PRUNE2: variants seen among roughly 807,000 people sequenced by gnomAD.
The protein encoded by PRUNE2 is prune homolog 2 with BCH domain.
In PRUNE2, 164 loss-of-function variants were observed where a neutral mutation model predicts 252.0. The observed-to-expected ratio is 0.65, with a 90% CI of 0.57 to 0.74. The LOEUF is 0.74. PRUNE2 is among the 30% of genes least tolerant of loss of function. The pLI, the probability that PRUNE2 is intolerant of heterozygous loss-of-function variation, is 0.00. For synonymous variants in PRUNE2, 1,292 were observed against 1,350.2 expected (o/e 0.96, Z 0.94); for missense variants, 3,495 against 3,711.0 (o/e 0.94, Z 1.51).
intron 1 of PRUNE2, among the ~76,000 whole-genome samples, chr9:76,886,828 A>G (rs1195800738): frequency 2.6e-5 from 4 of 152,196 alleles, no homozygotes; most frequent in African/African-American, 9.7e-5. Flanking sequence ...ATCTTAATAA[A>G]TACATTTTTA....
intron 6 of PRUNE2, among the ~76,000 whole-genome samples, chr9:76,753,779 G>T (rs1010121124): frequency 6.6e-6 from 1 of 152,102 alleles, no homozygotes; most frequent in Non-Finnish European, 1.5e-5. Context: ...TTAGCTGGGC[G>T]TGGTGGCGGG....
At chr9:76,811,013 A>C (rs1409779523) in intron 6 of PRUNE2, among the ~76,000 whole-genome samples, 1 of 152,352 alleles carries the variant, frequency 6.6e-6, no homozygotes, top group South Asian at 2.1e-4. Context: ...CAGGTCCCCA[A>C]ATCAGCAAAA....
intron 16 of PRUNE2, among the ~76,000 whole-genome samples, chr9:76,624,868 T>G (rs553614271): frequency 6.6e-6 from 1 of 152,142 alleles, no homozygotes; most frequent in South Asian, 2.1e-4. Flanking sequence ...TAGGTTGACC[T>G]CAACAGCTTT....
intron 6 of PRUNE2, among the ~76,000 whole-genome samples, chr9:76,731,300 ATC>A (rs1248444890): frequency 0.017 from 2,201 of 128,144 alleles, 61 homozygotes; most frequent in Admixed American, 0.043. Flanking sequence ...CTATCTATCT[ATC>A]TATCTATCTA....
At chr9:76,778,843 T>G (rs187142863) in intron 6 of PRUNE2, 1 of 152,360 alleles carries the variant, frequency 6.6e-6, no homozygotes, top group East Asian at 1.9e-4. Flanking sequence ...ACTATGATTA[T>G]CATTCAATCT....
chr9:76,737,104 C>G (rs2135503056), intron 6 of PRUNE2: 1 of 152,318 alleles, frequency 6.6e-6, no homozygotes. Context: ...TAGCTGTATT[C>G]CTTCTTGATG....
At chr9:76,877,934 G>A (rs1474409249) in intron 1 of PRUNE2, among the ~76,000 whole-genome samples, 2 of 152,198 alleles carry the variant, frequency 1.3e-5, no homozygotes, top group Non-Finnish European at 2.9e-5. Context: ...CGGTAGAGAT[G>A]CGGAATCTGG....
intron 9 of PRUNE2, among the ~76,000 whole-genome samples, chr9:76,656,062 T>G (rs971862652): frequency 1.3e-5 from 2 of 152,200 alleles, no homozygotes; most frequent in Admixed American, 1.3e-4. Flanking sequence ...CTTCCTTTTT[T>G]GAATATTTAA....
At chr9:76,871,260 CTT>C (rs911301853) in intron 1 of PRUNE2, among the ~76,000 whole-genome samples, 20 of 152,298 alleles carry the variant, frequency 1.3e-4, no homozygotes, top group Admixed American at 3.3e-4. Flanking sequence ...CATATGCGGA[CTT>C]TTTTCTTGTC....
chr9:76,625,483 GTC>G lies in PRUNE2; in HGVS notation c.9150-995_9150-994del, dbSNP rs529259635. 3.9e-5 allele frequency among the ~76,000 whole-genome samples: 6 copies of G among 152,268 alleles called. No homozygotes were observed. The East Asian group carries it at 9.7e-4, about 25-fold the overall frequency. On this transcript the variant is annotated intron_variant, in intron 16 of 18. Coordinates refer to ENST00000376718, the MANE Select transcript of PRUNE2 (RefSeq NM_015225.3). ...TCTAAAGACGCACTTCTCAGAACAT[GTC>G]TCTGTCATTAGGTGATGTATGATGG...
intron 6 of PRUNE2, among the ~76,000 whole-genome samples, chr9:76,724,022 C>T (rs2047879114): frequency 6.6e-6 from 1 of 150,644 alleles, no homozygotes; most frequent in South Asian, 2.1e-4. Flanking sequence ...GTCTCGATCT[C>T]CTGACCTTGT....
intron 1 of PRUNE2, among the ~76,000 whole-genome samples, chr9:76,868,349 C>G (rs1321167627): frequency 1.3e-5 from 2 of 152,208 alleles, no homozygotes; most frequent in African/African-American, 4.8e-5. Context: ...AATACAGAAC[C>G]TTCTGAAAAA....
Position 76,747,883 on chromosome 9 carries a change from T to C in PRUNE2, c.757-34162A>G, listed in dbSNP as rs186652643. ...CAATCTTGGCTCACTGCAACCTCCGTCTCCCGGGTTCAAGCAATTCTCCCG... is the reference window on the plus strand; with the variant it reads ...CAATCTTGGCTCACTGCAACCTCCGCCTCCCGGGTTCAAGCAATTCTCCCG... On this transcript the variant is annotated intron_variant, in intron 6 of 18. Coordinates refer to ENST00000376718, the MANE Select transcript of PRUNE2 (RefSeq NM_015225.3). Among the ~76,000 whole-genome samples the C allele has an allele frequency of 7.8e-3, 1,190 of 151,672 alleles. 17 individuals are homozygous for C. The highest frequency in any genetic ancestry group is 0.028 in the African/African-American group (1,154 of 41,348).
chr9:76,691,849 G>A (rs1019593287), intron 9 of PRUNE2: 4 of 549,564 alleles, frequency 7.3e-6, no homozygotes, highest in African/African-American at 5.8e-5. Context: ...GGCGGGGACA[G>A]CATAACGACC....
chr9:76,718,513 C>G (rs536184306), intron 6 of PRUNE2, among the ~76,000 whole-genome samples: 2 of 152,084 alleles, frequency 1.3e-5, no homozygotes, highest in South Asian at 4.2e-4. Flanking sequence ...TGAGATTGAC[C>G]CTCCCTCTGT....
intron 6 of PRUNE2, among the ~76,000 whole-genome samples, chr9:76,741,958 G>A (rs368668743): frequency 2.0e-4 from 31 of 152,254 alleles, no homozygotes; most frequent in African/African-American, 7.5e-4. Flanking sequence ...CACCAATCTG[G>A]CTGTTTTGAC....
intron 6 of PRUNE2, among the ~76,000 whole-genome samples, chr9:76,772,349 T>G (rs10117778): frequency 6.6e-6 from 1 of 151,512 alleles, no homozygotes; most frequent in South Asian, 2.1e-4. Flanking sequence ...ATTTTTTTTT[T>G]AAATGGCAAT....
At chr9:76,837,833 G>A (rs910321359) in intron 4 of PRUNE2, among the ~76,000 whole-genome samples, 10 of 149,422 alleles carry the variant, frequency 6.7e-5, no homozygotes, top group African/African-American at 1.5e-4. Flanking sequence ...GTGCAGTGGC[G>A]CAATCTCGGC....
Position 76,895,539 on chromosome 9 carries a change from T to C in PRUNE2, c.36+10389A>G, listed in dbSNP as rs141318751. ...ACTTCTTTTCTATTTTTTTCTATGT[T>C]AATTATCTGAGTGGGAAATTTTTCT... is the stretch of plus-strand genomic sequence containing the variant. On this transcript the variant is annotated intron_variant, in intron 1 of 18. Transcript: ENST00000376718. Among the ~76,000 whole-genome samples, 378 of 152,302 alleles carry C rather than the reference T, an allele frequency of 2.5e-3. 2 individuals are homozygous for C. Among genetic ancestry groups the C allele is most frequent in the African/African-American group, 8.4e-3 (351 of 41,582 alleles).
Sources: gnomAD v4.1 joint callset for allele counts (sites outside exome capture counted in the v4.1 genomes callset) on GRCh38, gnomAD v4.1.1 for gene constraint, MANE v1.5 for transcripts, NCBI Gene and HGNC (gene_info 2026-07-23, HGNC 2026-07-21) for gene names.